EPHB1: variants seen among roughly 807,000 people sequenced by gnomAD.
EPHB1 encodes the protein EPH receptor B1.
Under a neutral mutation model 94.4 loss-of-function variants are expected in EPHB1, and 30 were observed. The ratio of observed to expected loss-of-function variants is 0.32; its 90% CI spans 0.24 to 0.43. The LOEUF (loss-of-function observed/expected upper bound fraction) is 0.43, where lower values mean the gene tolerates loss of function less well. EPHB1 is among the 20% of genes least tolerant of loss of function. The probability of loss-of-function intolerance (pLI) is 1.00; values close to 1 mark genes in which losing one functional copy is unlikely to be tolerated. For synonymous variants in EPHB1, 522 were observed against 489.1 expected (o/e 1.07, Z -0.89); for missense variants, 1,055 against 1,308.3 (o/e 0.81, Z 2.99).
chr3:135,139,275 G>T (rs2177693), intron 5 of EPHB1, among the ~76,000 whole-genome samples: 42,506 of 152,102 alleles, frequency 0.28, 7,320 homozygotes, highest in African/African-American at 0.49. Flanking sequence ...CTTAGGGAAT[G>T]TTGCTTAGGA....
At chr3:135,197,924 G>A (rs914793818) in intron 11 of EPHB1, among the ~76,000 whole-genome samples, 18 of 152,210 alleles carry the variant, frequency 1.2e-4, no homozygotes, top group Non-Finnish European at 2.4e-4. Flanking sequence ...AGTTAAACAT[G>A]CCAGAAAAAT....
chr3:135,204,591 C>T (rs1942847384), intron 12 of EPHB1, among the ~76,000 whole-genome samples: 1 of 151,984 alleles, frequency 6.6e-6, no homozygotes, highest in African/African-American at 2.4e-5. Context: ...GCTTCCGCCT[C>T]CTGGGTTCAA....
At chr3:135,138,547 T>C (rs1335201674) in intron 5 of EPHB1, among the ~76,000 whole-genome samples, 1 of 152,242 alleles carries the variant, frequency 6.6e-6, no homozygotes, top group African/African-American at 2.4e-5. Context: ...ATTACACTGC[T>C]GCCTGTAAAA....
chr3:135,150,566 G>C (rs1390836725), intron 5 of EPHB1, among the ~76,000 whole-genome samples: 1 of 152,154 alleles, frequency 6.6e-6, no homozygotes, highest in Non-Finnish European at 1.5e-5. Context: ...CTTAGCAACA[G>C]CATTTAACGT....
At position 134,921,193 on chromosome 3, in the gene EPHB1, G is replaced by C. The variant is rs1187820045; in HGVS notation, c.59-4623G>C. On this transcript the variant is annotated intron_variant, in intron 1 of 15. Transcript: ENST00000398015. ...TCTTACTCTCCCATCTGCTTGGGATGACTCCTACTTCATTCCCATCAGCTG... is the reference window on the plus strand; with the variant it reads ...TCTTACTCTCCCATCTGCTTGGGATCACTCCTACTTCATTCCCATCAGCTG... 9.2e-5 allele frequency among the ~76,000 whole-genome samples: 14 copies of C among 152,070 alleles called. 1 individual carries two copies. Among genetic ancestry groups the C allele is most frequent in the Admixed American group, 9.2e-4 (14 of 15,256 alleles).
chr3:135,195,440 C>A (rs1054942076), intron 11 of EPHB1, among the ~76,000 whole-genome samples: 1 of 151,738 alleles, frequency 6.6e-6, no homozygotes, highest in Non-Finnish European at 1.5e-5. Context: ...CCCACTAACT[C>A]GTCATCTAGC....
chr3:134,826,323 T>G (rs922893811), intron 1 of EPHB1, among the ~76,000 whole-genome samples: 2 of 151,882 alleles, frequency 1.3e-5, no homozygotes, highest in Non-Finnish European at 2.9e-5. Flanking sequence ...AATTAGGAAG[T>G]TCTTCTTGTT....
chr3:135,171,405 C>T (rs1409879293), intron 9 of EPHB1, among the ~76,000 whole-genome samples: 1 of 152,150 alleles, frequency 6.6e-6, no homozygotes, highest in Non-Finnish European at 1.5e-5. Flanking sequence ...CCTATTCAAT[C>T]TCTTGTTTGT....
intron 3 of EPHB1, among the ~76,000 whole-genome samples, chr3:135,016,894 G>A (rs1361135503): frequency 6.6e-6 from 1 of 152,154 alleles, no homozygotes; most frequent in African/African-American, 2.4e-5. Flanking sequence ...TTTGCCCGCT[G>A]CAGAGATTCC....
chr3:134,932,945 G>A (rs931311433), intron 2 of EPHB1, among the ~76,000 whole-genome samples: 2 of 152,180 alleles, frequency 1.3e-5, no homozygotes, highest in African/African-American at 4.8e-5. Flanking sequence ...TGGGGACTTG[G>A]GAGCTTTGGA....
intron 1 of EPHB1, among the ~76,000 whole-genome samples, chr3:134,847,176 A>T (rs1038840847): frequency 4.6e-4 from 64 of 138,498 alleles, no homozygotes; most frequent in African/African-American, 2.0e-3. Context: ...CACATCATGG[A>T]AAAAAAAAAC....
chr3:135,196,727 A>C (rs1942629096), intron 11 of EPHB1, among the ~76,000 whole-genome samples: 3 of 152,070 alleles, frequency 2.0e-5, no homozygotes, highest in African/African-American at 7.2e-5. Context: ...CTCCCCTCCA[A>C]CTTCTCCTTT....
At chr3:134,909,225 G>T (rs1002541161) in intron 1 of EPHB1, among the ~76,000 whole-genome samples, 1 of 152,116 alleles carries the variant, frequency 6.6e-6, no homozygotes, top group Non-Finnish European at 1.5e-5. Context: ...CATGGAGAAA[G>T]GGGAGTAGTT....
chr3:135,186,911 T>C (rs983907939), intron 10 of EPHB1, among the ~76,000 whole-genome samples: 3 of 152,104 alleles, frequency 2.0e-5, no homozygotes, highest in Non-Finnish European at 4.4e-5. Flanking sequence ...GGTTCTCAAA[T>C]AGATGAAGCA....
At chr3:135,000,142 C>T (rs891798954) in intron 3 of EPHB1, among the ~76,000 whole-genome samples, 1 of 152,242 alleles carries the variant, frequency 6.6e-6, no homozygotes, top group African/African-American at 2.4e-5. Flanking sequence ...ACTAGACTGG[C>T]TTAGCACTGC....
chr3:135,022,811 A>G (rs1936029291), intron 3 of EPHB1, among the ~76,000 whole-genome samples: 1 of 152,196 alleles, frequency 6.6e-6, no homozygotes, highest in South Asian at 2.1e-4. Flanking sequence ...ACTCACCTCC[A>G]GCTTCCTCAT....
At chr3:134,991,619 C>G (rs183784094) in intron 3 of EPHB1, among the ~76,000 whole-genome samples, 4 of 152,178 alleles carry the variant, frequency 2.6e-5, no homozygotes, top group African/African-American at 9.7e-5. Flanking sequence ...GCCACTGGCT[C>G]CATGGACCTC....
chr3:135,225,910 T>C (rs1033293868), intron 12 of EPHB1, among the ~76,000 whole-genome samples: 4 of 152,106 alleles, frequency 2.6e-5, no homozygotes, highest in Admixed American at 2.6e-4. Flanking sequence ...GGTCTGGGAA[T>C]GTGGGAGCAA....
chr3:135,108,426 T>G (rs573078703), intron 4 of EPHB1, among the ~76,000 whole-genome samples: 3 of 152,196 alleles, frequency 2.0e-5, no homozygotes, highest in Non-Finnish European at 4.4e-5. Context: ...GCAATGCATG[T>G]TACCTTTTGC....
Sources: allele counts gnomAD v4.1 joint callset (sites outside exome capture counted in the v4.1 genomes callset), GRCh38; gene constraint gnomAD v4.1.1; transcripts MANE v1.5; gene names NCBI Gene and HGNC (gene_info 2026-07-23, HGNC 2026-07-21).